EPHA7: variants seen among roughly 807,000 people sequenced by gnomAD.
EPHA7 encodes ephrin type-A receptor 7.
A neutral mutation model predicts 112.6 loss-of-function variants in EPHA7; 25 were observed. The ratio of observed to expected loss-of-function variants is 0.22; its 90% confidence interval spans 0.16 to 0.31. The LOEUF (loss-of-function observed/expected upper bound fraction) is 0.31, where lower values mean the gene tolerates loss of function less well. Among genes scored for constraint, EPHA7 ranks in the 10% least tolerant of loss-of-function variants. EPHA7 has a pLI of 1.00. For synonymous variants in EPHA7, 437 were observed against 406.5 expected (o/e 1.07, Z -0.90); for missense variants, 962 against 1,212.6 (o/e 0.79, Z 3.07).
intron 12 of EPHA7, among the ~76,000 whole-genome samples, chr6:93,256,987 T>G (rs1303930704): frequency 6.6e-6 from 1 of 152,132 alleles, no homozygotes; most frequent in Admixed American, 6.6e-5. Context: ...CATTTACAAA[T>G]AAACCACATA....
chr6:93,246,743 G>T, intron 15 of EPHA7, 49 bp downstream of exon 15: 2 of 1,492,998 alleles, frequency 1.3e-6, no homozygotes, highest in Non-Finnish European at 1.8e-6. Context: ...AATGGTTTAT[G>T]TTACTATTGT....
At chr6:93,266,579 G>A (rs942132274) in intron 7 of EPHA7, among the ~76,000 whole-genome samples, 23 of 151,668 alleles carry the variant, frequency 1.5e-4, no homozygotes, top group African/African-American at 4.6e-4. Context: ...TTAAAAACTC[G>A]AAACAGTAGA....
intron 3 of EPHA7, among the ~76,000 whole-genome samples, chr6:93,358,986 G>T (rs541866945): frequency 6.6e-6 from 1 of 152,188 alleles, no homozygotes; most frequent in Non-Finnish European, 1.5e-5. Flanking sequence ...ACCAATTTAA[G>T]TTATAAGGCA....
At chr6:93,246,285 C>T (rs1394583906) in intron 15 of EPHA7, among the ~76,000 whole-genome samples, 10 of 152,102 alleles carry the variant, frequency 6.6e-5, no homozygotes, top group African/African-American at 2.2e-4. Flanking sequence ...CTCCTGACCT[C>T]GAGATCCACC....
rs1775971765 is a variant in EPHA7 at position 93,356,847 on chromosome 6, G to A, written c.1194C>T (p.Asn398=). 3.7e-6 allele frequency: 6 copies of A among 1,614,060 alleles called. No homozygotes were observed. Among genetic ancestry groups the A allele is most frequent in the Non-Finnish European group, 5.1e-6 (6 of 1,180,040 alleles). Residue 398 remains asparagine (N), a synonymous_variant, in exon 5 of 17, where the codon AAC becomes AAT. Transcript: ENST00000369303. ...CTAGCAGGTCCATGACAGTGACATA[G>A]TTATCCTCTAATCCAGTCTGCTGGG... ...YMPQQTGLED[N]YVTVMDLLAH... is the part of the protein sequence containing the mutation.
At chr6:93,348,778 T>G (rs1047947424) in intron 5 of EPHA7, among the ~76,000 whole-genome samples, 1 of 151,876 alleles carries the variant, frequency 6.6e-6, no homozygotes, top group African/African-American at 2.4e-5. Context: ...CTTTGCATAT[T>G]ACAGTATACA....
intron 5 of EPHA7, among the ~76,000 whole-genome samples, chr6:93,342,109 G>A (rs1197004006): frequency 6.6e-6 from 1 of 151,784 alleles, no homozygotes; most frequent in African/African-American, 2.4e-5. Context: ...AGTCAAATGG[G>A]AATGTAATTA....
chr6:93,283,131 C>T (rs1207480621), intron 5 of EPHA7, among the ~76,000 whole-genome samples: 5 of 152,158 alleles, frequency 3.3e-5, no homozygotes, highest in African/African-American at 4.8e-5. Flanking sequence ...ATGCACCAAT[C>T]GGCACTCTGT....
chr6:93,414,074 G>C (rs561191981), intron 2 of EPHA7, among the ~76,000 whole-genome samples: 6 of 151,900 alleles, frequency 3.9e-5, no homozygotes, highest in African/African-American at 1.4e-4. Context: ...TAATATTTTG[G>C]TAGGTTATTA....
At chr6:93,391,283 G>C (rs544496164) in intron 3 of EPHA7, among the ~76,000 whole-genome samples, 11 of 151,966 alleles carry the variant, frequency 7.2e-5, no homozygotes, top group Non-Finnish European at 1.6e-4. Context: ...AGTGGAAATG[G>C]AAACTTCTGT....
At chr6:93,391,758 A>T (rs1777919157) in intron 3 of EPHA7, among the ~76,000 whole-genome samples, 1 of 151,906 alleles carries the variant, frequency 6.6e-6, no homozygotes, top group African/African-American at 2.4e-5. Context: ...TTAATTAGTT[A>T]CCTAGCTAAA....
At chr6:93,409,385 C>A (rs1272325785) in intron 3 of EPHA7, among the ~76,000 whole-genome samples, 1 of 151,864 alleles carries the variant, frequency 6.6e-6, no homozygotes, top group Non-Finnish European at 1.5e-5. Context: ...TTGATATCCT[C>A]TATTTTTTTA....
At chr6:93,345,093 A>AT (rs1775333982) in intron 5 of EPHA7, among the ~76,000 whole-genome samples, 1 of 151,674 alleles carries the variant, frequency 6.6e-6, no homozygotes, top group Non-Finnish European at 1.5e-5. Context: ...GTCTATACAC[A>AT]TAAATACATC....
intron 14 of EPHA7, among the ~76,000 whole-genome samples, chr6:93,251,024 G>T (rs996691929): frequency 6.6e-6 from 1 of 152,024 alleles, no homozygotes; most frequent in Admixed American, 6.6e-5. Context: ...CCATTAACGA[G>T]CCTGTAATAA....
intron 3 of EPHA7, among the ~76,000 whole-genome samples, chr6:93,397,616 C>T (rs987422341): frequency 6.6e-6 from 1 of 151,878 alleles, no homozygotes; most frequent in Non-Finnish European, 1.5e-5. Context: ...TATTCTCATG[C>T]GTATGTCCAT....
intron 3 of EPHA7, among the ~76,000 whole-genome samples, chr6:93,387,640 G>A (rs893111019): frequency 4.6e-5 from 7 of 152,136 alleles, no homozygotes; most frequent in East Asian, 3.9e-4. Flanking sequence ...TCACAATTAC[G>A]CATAGCTGGG....
intron 5 of EPHA7, among the ~76,000 whole-genome samples, chr6:93,286,127 ATTG>A (rs1257668087): frequency 2.6e-5 from 4 of 151,296 alleles, no homozygotes; most frequent in African/African-American, 4.9e-5. Context: ...TAGTAATTTG[ATTG>A]TTGTTGTTTT....
chr6:93,326,840 T>C (rs1180542505), intron 5 of EPHA7, among the ~76,000 whole-genome samples: 5 of 151,532 alleles, frequency 3.3e-5, no homozygotes, highest in Non-Finnish European at 7.4e-5. Flanking sequence ...GAAAGACATA[T>C]TGTAACTGAA....
At chr6:93,377,646 A>G (rs572338017) in intron 3 of EPHA7, among the ~76,000 whole-genome samples, 10 of 152,180 alleles carry the variant, frequency 6.6e-5, no homozygotes, top group Non-Finnish European at 1.2e-4. Context: ...TCAAATTTCA[A>G]AAGGAAAACC....
Sources: gnomAD v4.1 joint callset for allele counts (sites outside exome capture counted in the v4.1 genomes callset) on GRCh38, gnomAD v4.1.1 for gene constraint, MANE v1.5 for transcripts, NCBI Gene and HGNC (gene_info 2026-07-23, HGNC 2026-07-21) for gene names.